Variants in GNL3L observed in about 807,000 individuals in gnomAD.
GNL3L encodes the protein guanine nucleotide-binding protein-like 3-like protein.
Under a neutral mutation model 42.9 loss-of-function variants are expected in GNL3L, and 4 were observed. The observed-to-expected ratio is 0.09, with a 90% CI of 0.05 to 0.21. The LOEUF (loss-of-function observed/expected upper bound fraction) is 0.21. Ranked by LOEUF, GNL3L falls within the 10% of genes least tolerant of loss-of-function variation. The pLI, the probability that GNL3L is intolerant of heterozygous loss-of-function variation, is 1.00. For synonymous variants in GNL3L, 159 were observed against 176.3 expected (o/e 0.90, Z 0.78); for missense variants, 412 against 481.7 (o/e 0.86, Z 1.36).
In GNL3L at chrX:54,560,712, T is replaced by A. The variant is rs942277459; in HGVS notation, c.*110T>A. 3 of 534,359 alleles carry A rather than the reference T, an allele frequency of 5.6e-6. No homozygotes were observed. Among genetic ancestry groups the A allele is most frequent in the Admixed American group, 2.5e-5 (1 of 40,136 alleles). 44.0% of individuals were successfully genotyped at this position (534,359 alleles called of 1,213,427 possible). On this transcript the variant is annotated 3_prime_UTR_variant, in exon 16 of 16. Coordinates refer to ENST00000360845, the MANE Select transcript of GNL3L (RefSeq NM_001184819.2). ...AAGCATCTGCATATTGAAAGAACGC[T>A]TTCCCCACTGTGTGTCTTCTCCCCC... is the stretch of plus-strand genomic sequence containing the variant.
At chrX:54,530,645 C>T (rs1924216190) in intron 1 of GNL3L, among the ~76,000 whole-genome samples, 2 of 111,999 alleles carry the variant, frequency 1.8e-5, no homozygotes, top group South Asian at 3.7e-4. Context: ...AGTGAGGCTT[C>T]ATTCTGCATT....
At chrX:54,630,738 T>TTTTCTTTCTTTC in the GNL3L span, among the ~76,000 whole-genome samples, 1 of 67,540 alleles carries the variant, frequency 1.5e-5, no homozygotes, top group African/African-American at 7.4e-5. Context: ...CTTTCTTTCT[T>TTTTCTTTCTTTC]TCTCTTTCTT....
At chrX:54,537,319 G>A (rs781086817) in intron 2 of GNL3L, among the ~76,000 whole-genome samples, 1 of 110,414 alleles carries the variant, frequency 9.1e-6, no homozygotes, top group African/African-American at 3.3e-5. Flanking sequence ...CATGGCACCC[G>A]GCCTTGGTTG....
At chrX:54,636,998 AT>A in the GNL3L span, among the ~76,000 whole-genome samples, 4 of 112,233 alleles carry the variant, frequency 3.6e-5, no homozygotes, top group Non-Finnish European at 7.5e-5. Context: ...CCATAAGTGT[AT>A]AAGTGTTCCC....
At chrX:54,605,147 A>T (rs954580209) in intron 16 of GNL3L, among the ~76,000 whole-genome samples, 1 of 111,397 alleles carries the variant, frequency 9.0e-6, no homozygotes, top group Non-Finnish European at 1.9e-5. Flanking sequence ...TGTGAAAGGG[A>T]TTCTATCAGG....
rs374949500 is a variant in GNL3L, at chrX:54,548,394, A to C, written c.775+21A>C. ...TGTGGGTAAGACCTGCTGTGTGGTC[A>C]TGGGGCTCAGGCTTCTTTCTTGAGC... On this transcript the variant is annotated intron_variant, in intron 9 of 15. Coordinates refer to ENST00000360845, the MANE Select transcript of GNL3L (RefSeq NM_001184819.2). 2.6e-5 allele frequency: 31 copies of C among 1,174,426 alleles called. No homozygotes were observed. In the South Asian group the frequency reaches 5.5e-4, roughly 21 times the overall value.
chrX:54,560,563 C>T lies in GNL3L; in HGVS notation c.1710C>T (p.Leu570=), dbSNP rs948677792. 5 of 1,177,931 alleles carry T rather than the reference C, an allele frequency of 4.2e-6. No homozygotes were observed. Among genetic ancestry groups the T allele is most frequent in the Admixed American group, 2.2e-5 (1 of 45,756 alleles). ...TGTCTGATTCCATGATGTCTGCTCT[C>T]GACCTCTCTGGCAATGCTGATGATG... is the stretch of plus-strand genomic sequence containing the variant. ...SKLSDSMMSA[L]DLSGNADDGV... is the part of the protein sequence containing the mutation. Residue 570 remains leucine, a synonymous_variant, in exon 16 of 16, where the codon CTC becomes CTT. Coordinates refer to ENST00000360845, the MANE Select transcript of GNL3L (RefSeq NM_001184819.2).
intron 8 of GNL3L, among the ~76,000 whole-genome samples, chrX:54,546,652 T>C (rs1004742828): frequency 8.9e-6 from 1 of 111,844 alleles, no homozygotes; most frequent in African/African-American, 3.3e-5. Context: ...AATTTAAATT[T>C]AAATTTTTGT....
At chrX:54,541,415 G>A (rs769459981) in intron 5 of GNL3L, 26 bp downstream of exon 5, 2 of 981,424 alleles carry the variant, frequency 2.0e-6, no homozygotes. Flanking sequence ...TTGCCCCTGG[G>A]TAGGTTTGCT....
chrX:54,580,170 C>T (rs1192259014), intron 16 of GNL3L, among the ~76,000 whole-genome samples: 1 of 72,324 alleles, frequency 1.4e-5, no homozygotes, highest in Non-Finnish European at 2.5e-5. Context: ...TACAACAGGC[C>T]CCGGTGTGTG....
intron 12 of GNL3L, 69 bp from the exon 13 acceptor site, chrX:54,552,223 A>G (rs1924964901): frequency 9.1e-7 from 1 of 1,103,330 alleles, no homozygotes; most frequent in Non-Finnish European, 1.2e-6. Context: ...CTGCAAACTC[A>G]TCGTCTCTTG....
chrX:54,611,921 A>C (rs2147534697), intron 16 of GNL3L, among the ~76,000 whole-genome samples: 1 of 112,255 alleles, frequency 8.9e-6, no homozygotes, highest in South Asian at 3.7e-4. Flanking sequence ...AATGTTCTGT[A>C]TATATCTGTT....
the GNL3L span, among the ~76,000 whole-genome samples, chrX:54,645,664 C>T: frequency 2.7e-5 from 3 of 111,800 alleles, no homozygotes; most frequent in Admixed American, 9.5e-5. Flanking sequence ...TGTTCGGAGT[C>T]CATGCATTTC....
At chrX:54,541,238 G>C in intron 4 of GNL3L, 35 bp from the exon 5 acceptor site, 1 of 999,464 alleles carries the variant, frequency 1.0e-6, no homozygotes, top group Non-Finnish European at 1.4e-6. Context: ...TGCAGACCCA[G>C]TCAGCTCCAG....
chrX:54,569,188 T>A (rs1925510226), downstream of GNL3L, among the ~76,000 whole-genome samples: 1 of 112,297 alleles, frequency 8.9e-6, no homozygotes, highest in Admixed American at 9.5e-5. Context: ...TGAAGTTTTC[T>A]TTTGTTTAAT....
chrX:54,545,683 A>G (rs1258109327), intron 8 of GNL3L, among the ~76,000 whole-genome samples: 2 of 110,980 alleles, frequency 1.8e-5, no homozygotes, highest in Non-Finnish European at 3.8e-5. Context: ...TTTTTTTTCA[A>G]TTTTGCATTG....
intron 16 of GNL3L, among the ~76,000 whole-genome samples, chrX:54,601,906 G>A (rs901909145): frequency 8.9e-6 from 1 of 111,950 alleles, no homozygotes; most frequent in Non-Finnish European, 1.9e-5. Context: ...GTTGGTTTGT[G>A]TATCAATAAT....
chrX:54,637,569 C>T, the GNL3L span, among the ~76,000 whole-genome samples: 1 of 111,812 alleles, frequency 8.9e-6, no homozygotes, highest in Non-Finnish European at 1.9e-5. Context: ...TGTGCAAGGG[C>T]CTGATATAGT....
intron 2 of GNL3L, among the ~76,000 whole-genome samples, chrX:54,534,970 T>G (rs774917975): frequency 3.6e-5 from 4 of 111,867 alleles, no homozygotes; most frequent in Admixed American, 9.6e-5. Context: ...TCACATTTTT[T>G]TTGTTGTTGT....
Sources: gnomAD v4.1 joint callset for allele counts (sites outside exome capture counted in the v4.1 genomes callset) on GRCh38, gnomAD v4.1.1 for gene constraint, MANE v1.5 for transcripts, NCBI Gene and HGNC (gene_info 2026-07-23, HGNC 2026-07-21) for gene names.